Variants in IRF8 observed in about 807,000 individuals in gnomAD.
The protein encoded by IRF8 is interferon consensus sequence binding protein 1.
In IRF8, 14 loss-of-function variants were observed where a neutral mutation model predicts 48.7. That is an observed-to-expected ratio of 0.29 (90% CI 0.19 to 0.45). IRF8 has a LOEUF of 0.45. IRF8 is among the 20% of genes least tolerant of loss of function. IRF8 has a pLI of 1.00. For missense variants in IRF8, 493 were observed against 580.7 expected, an observed-to-expected ratio of 0.85 and a Z score of 1.55; for synonymous variants, 278 against 227.3, an observed-to-expected ratio of 1.22 and a Z score of -2.01.
chr16:85,918,331 T>G (rs764473654), intron 6 of IRF8, 86 bp from the exon 7 acceptor site: 3 of 1,452,420 alleles, frequency 2.1e-6, no homozygotes, highest in Admixed American at 2.1e-5. Context: ...GTTACCCGTG[T>G]AGGTGTGAGA....
intron 7 of IRF8, among the ~76,000 whole-genome samples, chr16:85,919,139 A>G (rs2280378): frequency 0.53 from 81,285 of 151,976 alleles, 22,438 homozygotes; most frequent in African/African-American, 0.66. Context: ...GGCTAGAGAC[A>G]CAGAGTCTGA....
At chr16:85,905,763 A>G (rs1165490633) in intron 2 of IRF8, among the ~76,000 whole-genome samples, 1 of 152,218 alleles carries the variant, frequency 6.6e-6, no homozygotes, top group Admixed American at 6.5e-5. Context: ...TTATGTAGAC[A>G]CTTGTTTCTT....
Position 85,922,223 on chromosome 16 carries a change from T to C in IRF8, c.*941T>C, listed in dbSNP as rs1413628220. 1.3e-5 allele frequency: 2 copies of C among 152,364 alleles called. No homozygotes were observed. Among genetic ancestry groups the C allele is most frequent in the African/African-American group, 2.4e-5 (1 of 41,456 alleles). 9.4% of individuals were successfully genotyped at this position (152,364 alleles called of 1,614,324 possible). The stretch of plus-strand genomic sequence containing the variant: ...GACAGCTCATCCAATCTCCCAAGTC[T>C]CATGGTGGATTTGTGACTGTGAGAG... On this transcript the variant is annotated 3_prime_UTR_variant, in exon 9 of 9. Coordinates refer to ENST00000268638, the MANE Select transcript of IRF8 (RefSeq NM_002163.4).
chr16:85,902,870 G>A, intron 1 of IRF8, 145 bp from the exon 2 acceptor site: 1 of 824,940 alleles, frequency 1.2e-6, no homozygotes, highest in Non-Finnish European at 2.1e-6. Flanking sequence ...CATGGCAGGT[G>A]TCCCGGAGTC....
At chr16:85,911,093 C>G (rs1009112867) in intron 3 of IRF8, among the ~76,000 whole-genome samples, 2 of 152,120 alleles carry the variant, frequency 1.3e-5, no homozygotes, top group South Asian at 2.1e-4. Flanking sequence ...GCTGTGTGCA[C>G]TGATGCACAT....
At chr16:85,907,284 T>G (rs1008767800) in intron 2 of IRF8, among the ~76,000 whole-genome samples, 4 of 152,216 alleles carry the variant, frequency 2.6e-5, no homozygotes, top group African/African-American at 4.8e-5. Flanking sequence ...AAAAACAGTC[T>G]GGGCTATTTT....
chr16:85,904,520 G>A (rs1383645749), intron 2 of IRF8, among the ~76,000 whole-genome samples: 35 of 152,220 alleles, frequency 2.3e-4, no homozygotes, highest in Admixed American at 2.0e-3. Context: ...CTGCCTGACC[G>A]ATGTTTGCAG....
Position 85,920,241 on chromosome 16 carries a change from T to A in IRF8, c.1104+17T>A. 9.3e-6 allele frequency: 2 copies of A among 213,904 alleles called. No homozygotes were observed. Among genetic ancestry groups the A allele is most frequent in the Non-Finnish European group, 1.5e-5 (2 of 133,412 alleles). The allele number at this position is 213,904 out of a possible 1,614,324, so 13.3% of individuals were successfully genotyped here. A position where few individuals can be genotyped will look rare whatever the true frequency, so the allele number is the denominator to read the frequency against. On this transcript the variant is annotated intron_variant, in intron 8 of 8. Coordinates refer to ENST00000268638, the MANE Select transcript of IRF8 (RefSeq NM_002163.4). Reference sequence around the variant, plus strand: ...CTCGTGCAGGTAAGTATGGGCAGCTTTTTTTTTTTTTTTTTTTTTTTTTGA... The same window carrying A: ...CTCGTGCAGGTAAGTATGGGCAGCTATTTTTTTTTTTTTTTTTTTTTTTGA...
chr16:85,920,238 GCTT>G lies in IRF8; in HGVS notation c.1104+15_1104+17del. The G allele has an allele frequency of 1.1e-6, 1 of 893,302 alleles. No individual in the cohort carries two copies. Among genetic ancestry groups the G allele is most frequent in the Non-Finnish European group, 1.7e-6 (1 of 581,588 alleles). 55.3% of individuals were successfully genotyped at this position (893,302 alleles called of 1,614,324 possible). ...ATTCTCGTGCAGGTAAGTATGGGCA[GCTT>G]TTTTTTTTTTTTTTTTTTTTTTTGA... On this transcript the variant is annotated intron_variant, in intron 8 of 8. Coordinates refer to ENST00000268638, the MANE Select transcript of IRF8 (RefSeq NM_002163.4).
At chr16:85,902,975 A>C (rs374012709) in intron 1 of IRF8, 40 bp from the exon 2 acceptor site, 106 of 1,609,712 alleles carry the variant, frequency 6.6e-5, no homozygotes, top group Non-Finnish European at 8.3e-5. Context: ...GAATGAGACA[A>C]TATCCGTAAT....
At chr16:85,906,779 A>G (rs1050187512) in intron 2 of IRF8, among the ~76,000 whole-genome samples, 1 of 151,906 alleles carries the variant, frequency 6.6e-6, no homozygotes, top group Admixed American at 6.6e-5. Flanking sequence ...ATACTTGGCC[A>G]TGTTTGGAGA....
At chr16:85,918,912 G>A in intron 7 of IRF8, 109 bp downstream of exon 7, 2 of 1,373,248 alleles carry the variant, frequency 1.5e-6, no homozygotes, top group East Asian at 2.3e-5. Flanking sequence ...GGGATGTGGA[G>A]GAGGAGTGAG....
At position 85,911,613 on chromosome 16, in the gene IRF8, A is replaced by G. The variant is rs907174157; in HGVS notation, c.402A>G (p.Thr134=). Residue 134 remains threonine, a synonymous_variant, in exon 4 of 9, where the codon ACA becomes ACG. Coordinates refer to ENST00000268638, the MANE Select transcript of IRF8 (RefSeq NM_002163.4). ...CTGCTGGCTGCGTGAATGAAGTTAC[A>G]GAGATGGAGTGCGGTCGCTCTGAAA... ...VATAGCVNEV[T]EMECGRSEID... 1 of 1,614,012 alleles carries G rather than the reference A, an allele frequency of 6.2e-7. No individual in the cohort carries two copies. Among genetic ancestry groups the G allele is most frequent in the African/African-American group, 1.3e-5 (1 of 74,936 alleles).
intron 1 of IRF8, among the ~76,000 whole-genome samples, 154 bp downstream of exon 1, chr16:85,899,377 A>G (rs1567873833): frequency 6.6e-6 from 1 of 152,026 alleles, no homozygotes; most frequent in Admixed American, 6.5e-5. Flanking sequence ...CTTTTTGCCT[A>G]TTTTCCAGCC....
intron 4 of IRF8, among the ~76,000 whole-genome samples, chr16:85,912,739 G>A (rs956516462): frequency 1.6e-4 from 25 of 152,366 alleles, no homozygotes; most frequent in Admixed American, 9.1e-4. Flanking sequence ...CATGTGGCTC[G>A]TTGAGCGAGA....
intron 1 of IRF8, among the ~76,000 whole-genome samples, chr16:85,899,450 A>G (rs1597247286): frequency 6.6e-6 from 1 of 152,360 alleles, no homozygotes; most frequent in African/African-American, 2.4e-5. Context: ...AAAGATTGGT[A>G]GATAGATGCC....
intron 6 of IRF8, 45 bp from the exon 7 acceptor site, chr16:85,918,372 G>C (rs777551539): frequency 1.3e-6 from 2 of 1,583,872 alleles, no homozygotes; most frequent in Admixed American, 3.4e-5. Flanking sequence ...GAGGGACCCT[G>C]TATGTCTCCC....
chr16:85,900,347 T>C (rs1436107759), intron 1 of IRF8, among the ~76,000 whole-genome samples: 1 of 152,204 alleles, frequency 6.6e-6, no homozygotes, highest in Non-Finnish European at 1.5e-5. Flanking sequence ...GGCCAATAGA[T>C]TACCTCAAAA....
rs757802318 is a variant in IRF8 at position 85,918,703 on chromosome 16, C to T, written c.888C>T (p.Arg296=). ...GVFVKRLCQG[R]VFCSGNAVVC... ...TCGTCAAGCGGCTGTGCCAGGGCCG[C>T]GTGTTCTGCAGCGGCAACGCCGTGG... The change falls in exon 7 of 9, where the codon CGC becomes CGT. Residue 296 remains arginine (R), a synonymous_variant. Transcript: ENST00000268638. 33 of 1,612,286 alleles carry T rather than the reference C, an allele frequency of 2.0e-5. No homozygotes were observed. The highest frequency in any genetic ancestry group is 6.7e-5 in the East Asian group (3 of 44,898).
Sources: gnomAD v4.1 joint callset for allele counts (sites outside exome capture counted in the v4.1 genomes callset) on GRCh38, gnomAD v4.1.1 for gene constraint, MANE v1.5 for transcripts, NCBI Gene and HGNC (gene_info 2026-07-23, HGNC 2026-07-21) for gene names.